Variants in KCNAB1 observed in about 807,000 individuals in gnomAD.
The protein encoded by KCNAB1 is potassium voltage-gated channel subfamily A regulatory beta subunit 1.
KCNAB1 carries 35 observed loss-of-function variants against 64.6 expected under a neutral mutation model. The ratio of observed to expected loss-of-function variants is 0.54; its 90% confidence interval spans 0.41 to 0.72. KCNAB1 has a LOEUF of 0.72. Among genes scored for constraint, KCNAB1 ranks in the 30% least tolerant of loss-of-function variants. KCNAB1 has a pLI of 0.00. For synonymous variants in KCNAB1, 177 were observed against 183.8 expected (o/e 0.96, Z 0.30); for missense variants, 401 against 512.9 (o/e 0.78, Z 2.11).
chr3:156,281,969 G>A (rs1719756516), intron 1 of KCNAB1, among the ~76,000 whole-genome samples: 1 of 150,482 alleles, frequency 6.6e-6, no homozygotes, highest in African/African-American at 2.5e-5. Context: ...ATTTCCTTCA[G>A]TTCTGCTCTG....
chr3:156,514,959 A>G, intron 9 of KCNAB1, 141 bp from the exon 10 acceptor site: 1 of 725,802 alleles, frequency 1.4e-6, no homozygotes, highest in Non-Finnish European at 2.1e-6. Context: ...GGTGGTGACA[A>G]ATTTGCTTAT....
intron 3 of KCNAB1, among the ~76,000 whole-genome samples, chr3:156,455,569 T>G (rs1712345131): frequency 6.6e-6 from 1 of 152,218 alleles, no homozygotes; most frequent in African/African-American, 2.4e-5. Context: ...TATTTACATT[T>G]TTTTATCTGT....
At chr3:156,194,146 A>G (rs1401656574) in intron 1 of KCNAB1, among the ~76,000 whole-genome samples, 1 of 151,854 alleles carries the variant, frequency 6.6e-6, no homozygotes, top group Admixed American at 6.6e-5. Context: ...TTTAATATTT[A>G]CCTATAACAA....
chr3:156,529,147 C>A (rs1328521073), intron 12 of KCNAB1, among the ~76,000 whole-genome samples: 1 of 152,130 alleles, frequency 6.6e-6, no homozygotes, highest in Non-Finnish European at 1.5e-5. Flanking sequence ...ATGGAATACT[C>A]TTTAGCAACA....
chr3:156,126,197 C>T (rs1299908137), intron 1 of KCNAB1, among the ~76,000 whole-genome samples: 2 of 152,214 alleles, frequency 1.3e-5, no homozygotes, highest in Admixed American at 1.3e-4. Flanking sequence ...CAGCATCCTT[C>T]AAAGTTTCTT....
intron 2 of KCNAB1, among the ~76,000 whole-genome samples, chr3:156,432,138 C>T (rs893692970): frequency 3.3e-5 from 5 of 152,080 alleles, no homozygotes; most frequent in African/African-American, 1.2e-4. Flanking sequence ...AAAACATATT[C>T]CTGGATCTGG....
intron 2 of KCNAB1, among the ~76,000 whole-genome samples, chr3:156,448,400 T>C (rs553836456): frequency 1.6e-4 from 24 of 152,364 alleles, no homozygotes; most frequent in African/African-American, 4.6e-4. Flanking sequence ...TTAGTTCTTC[T>C]GGAGTGGAGC....
chr3:156,281,944 G>GT (rs1398715370), intron 1 of KCNAB1, among the ~76,000 whole-genome samples: 2 of 149,068 alleles, frequency 1.3e-5, no homozygotes, highest in African/African-American at 2.5e-5. Flanking sequence ...TTTTTGAAGG[G>GT]TTTTTTGTGT....
At chr3:156,485,658 T>C (rs190874990) in intron 8 of KCNAB1, among the ~76,000 whole-genome samples, 134 of 152,194 alleles carry the variant, frequency 8.8e-4, no homozygotes, top group African/African-American at 3.2e-3. Flanking sequence ...TATTACATAA[T>C]GCTGAGCTTT....
intron 1 of KCNAB1, among the ~76,000 whole-genome samples, chr3:156,364,392 A>G (rs1286962280): frequency 6.6e-6 from 1 of 152,206 alleles, no homozygotes; most frequent in South Asian, 2.1e-4. Flanking sequence ...GATGAATATC[A>G]AATGATGATC....
chr3:156,471,962 G>A (rs1368413295), intron 7 of KCNAB1, among the ~76,000 whole-genome samples: 7 of 152,146 alleles, frequency 4.6e-5, no homozygotes, highest in Non-Finnish European at 7.4e-5. Context: ...GGATATCACA[G>A]GGTCATTCGG....
intron 3 of KCNAB1, chr3:156,453,186 G>A (rs1246868648): frequency 2.0e-5 from 7 of 343,082 alleles, no homozygotes; most frequent in Middle Eastern, 7.4e-4. Flanking sequence ...GAAACAATTT[G>A]GAATTAACAT....
chr3:156,285,812 C>T (rs984437796), intron 1 of KCNAB1, among the ~76,000 whole-genome samples: 3 of 152,212 alleles, frequency 2.0e-5, no homozygotes, highest in African/African-American at 7.2e-5. Flanking sequence ...GTCTGAATTT[C>T]CTATTTTTCA....
intron 1 of KCNAB1, among the ~76,000 whole-genome samples, chr3:156,302,216 G>A (rs1721197321): frequency 1.3e-5 from 2 of 151,992 alleles, no homozygotes; most frequent in Admixed American, 1.3e-4. Flanking sequence ...CCTCTTAAAG[G>A]ACTGCTGTGA....
At position 156,120,658 on chromosome 3, in the gene KCNAB1, A is replaced by G; in HGVS notation, c.47A>G (p.Glu16Gly). 1 of 1,614,240 alleles carries G rather than the reference A, an allele frequency of 6.2e-7. No homozygotes were observed. The highest frequency in any genetic ancestry group is 8.5e-7 in the Non-Finnish European group (1 of 1,180,056). The change falls in exon 1 of 14, where the codon GAG (glutamate) becomes GGG (glycine). Residue 16 changes from glutamate to glycine, a missense_variant. By Grantham distance (98) the Glu-to-Gly change is moderately conservative (BLOSUM62 -2). Transcript: ENST00000490337. ...GCAGCGGGGAGTCAGATCTCAGAGG[A>G]GAACACCAAGTTAAGGAGACAGTCT... ...TGAAGSQISE[E>G]NTKLRRQSGF...
At chr3:156,289,424 T>C (rs906379898) in intron 1 of KCNAB1, among the ~76,000 whole-genome samples, 1 of 152,240 alleles carries the variant, frequency 6.6e-6, no homozygotes, top group Non-Finnish European at 1.5e-5. Flanking sequence ...TCATTTTGAC[T>C]CCTTTCCCAA....
chr3:156,482,154 C>T (rs1714866247), intron 8 of KCNAB1, among the ~76,000 whole-genome samples: 1 of 151,856 alleles, frequency 6.6e-6, no homozygotes, highest in African/African-American at 2.4e-5. Flanking sequence ...TGCTCTGAAA[C>T]TCTTTATGCC....
At chr3:156,471,311 A>C (rs1054061221) in intron 7 of KCNAB1, among the ~76,000 whole-genome samples, 1 of 152,234 alleles carries the variant, frequency 6.6e-6, no homozygotes, top group Non-Finnish European at 1.5e-5. Context: ...TCTAAACAGT[A>C]TGGTTCTTGT....
intron 3 of KCNAB1, chr3:156,455,856 T>C (rs1712377537): frequency 1.3e-5 from 2 of 152,292 alleles, no homozygotes; most frequent in East Asian, 1.9e-4. Context: ...AGAAACTCAG[T>C]AGGAACAAAG....
Sources: allele counts gnomAD v4.1 joint callset (sites outside exome capture counted in the v4.1 genomes callset), GRCh38; gene constraint gnomAD v4.1.1; transcripts MANE v1.5; gene names NCBI Gene and HGNC (gene_info 2026-07-23, HGNC 2026-07-21).